Variants in SGCZ observed in about 807,000 individuals in gnomAD.
SGCZ encodes the protein zeta-sarcoglycan.
SGCZ carries 40 observed loss-of-function variants against 41.3 expected under a neutral mutation model. The observed-to-expected ratio is 0.97, with a 90% CI of 0.75 to 1.26. SGCZ has a LOEUF of 1.26. Ranked by LOEUF, SGCZ falls within the 50% of genes most tolerant of loss-of-function variation. The pLI is 0.00. For synonymous variants in SGCZ, 206 were observed against 137.5 expected (o/e 1.50, Z -3.49); for missense variants, 552 against 369.8 (o/e 1.49, Z -4.04).
At chr8:14,432,058 G>T (rs905209972) in intron 2 of SGCZ, among the ~76,000 whole-genome samples, 4 of 152,134 alleles carry the variant, frequency 2.6e-5, no homozygotes, top group Admixed American at 2.6e-4. Flanking sequence ...GTGGTGAACA[G>T]GGAACACTTC....
chr8:15,166,031 A>T (rs1288508311), intron 1 of SGCZ, among the ~76,000 whole-genome samples: 1 of 152,192 alleles, frequency 6.6e-6, no homozygotes, highest in African/African-American at 2.4e-5. Context: ...GGAAATCTGG[A>T]TTCTATTTCA....
At chr8:14,781,920 G>A (rs1800600947) in intron 1 of SGCZ, among the ~76,000 whole-genome samples, 2 of 152,084 alleles carry the variant, frequency 1.3e-5, no homozygotes, top group South Asian at 4.1e-4. Context: ...ATAGTTGTAT[G>A]GGTATTAAAA....
chr8:15,225,852 T>C (rs1274177651), intron 1 of SGCZ, among the ~76,000 whole-genome samples: 1 of 152,132 alleles, frequency 6.6e-6, no homozygotes, highest in Non-Finnish European at 1.5e-5. Context: ...ACTTTGCAAA[T>C]TACATTTTCT....
chr8:14,453,282 A>T (rs890330173), intron 2 of SGCZ, among the ~76,000 whole-genome samples: 1 of 152,160 alleles, frequency 6.6e-6, no homozygotes, highest in African/African-American at 2.4e-5. Flanking sequence ...TAACATTAAG[A>T]TACATTATGC....
At chr8:14,213,245 C>A (rs2117100648) in intron 4 of SGCZ, among the ~76,000 whole-genome samples, 1 of 152,174 alleles carries the variant, frequency 6.6e-6, no homozygotes, top group East Asian at 1.9e-4. Context: ...GCAGAAGACA[C>A]ATACCTAAAT....
Position 14,618,781 on chromosome 8 carries a change from G to A in SGCZ, c.40-63855C>T, listed in dbSNP as rs564773143. ...ACCGAGGTCATGTGAAATGAACAGA[G>A]TATATGTAATAATTTTAAGATGGAC... On this transcript the variant is annotated intron_variant, in intron 1 of 7. Transcript: ENST00000382080. Among the ~76,000 whole-genome samples, 10 of 152,236 alleles carry A rather than the reference G, an allele frequency of 6.6e-5. No individual in the cohort carries two copies. The East Asian group carries it at 1.9e-3, about 29-fold the overall frequency.
chr8:14,309,385 A>G lies in SGCZ; in HGVS notation c.336+14718T>C, dbSNP rs1231329822. ...TAATTACATTGAACAGTCAGCAGAG[A>G]CGAAGTGACCTCGATCGCTTTTGGC... is the stretch of plus-strand genomic sequence containing the variant. On this transcript the variant is annotated intron_variant, in intron 3 of 7. Transcript: ENST00000382080. 1.6e-5 allele frequency: 26 copies of G among 1,605,286 alleles called. 1 individual carries two copies. In the East Asian group the frequency reaches 4.5e-4, roughly 28 times the overall value.
chr8:14,141,477 C>A (rs567586299), intron 5 of SGCZ, among the ~76,000 whole-genome samples: 2 of 152,142 alleles, frequency 1.3e-5, no homozygotes, highest in East Asian at 3.9e-4. Flanking sequence ...CAGGAAAAAT[C>A]AAACAACCCC....
intron 1 of SGCZ, among the ~76,000 whole-genome samples, chr8:15,079,850 C>T (rs767105121): frequency 4.6e-5 from 7 of 152,048 alleles, no homozygotes; most frequent in African/African-American, 1.4e-4. Flanking sequence ...ACATAGTACC[C>T]GATAGGTAAC....
At chr8:14,208,694 ACTG>A (rs1285410977) in intron 4 of SGCZ, among the ~76,000 whole-genome samples, 5 of 151,724 alleles carry the variant, frequency 3.3e-5, no homozygotes, top group Admixed American at 6.6e-5. Context: ...AGTTACTTAT[ACTG>A]CTATTTGTTT....
intron 1 of SGCZ, among the ~76,000 whole-genome samples, chr8:14,832,686 T>C (rs1172236030): frequency 1.3e-5 from 2 of 152,164 alleles, no homozygotes; most frequent in Non-Finnish European, 2.9e-5. Flanking sequence ...GGCCAGAGTA[T>C]ATGGGTGTGT....
intron 1 of SGCZ, among the ~76,000 whole-genome samples, chr8:14,578,062 T>C (rs1298410119): frequency 1.3e-5 from 2 of 152,196 alleles, no homozygotes; most frequent in Non-Finnish European, 2.9e-5. Flanking sequence ...CACCATTCCT[T>C]ACTCATCATA....
intron 2 of SGCZ, among the ~76,000 whole-genome samples, chr8:14,386,591 C>T (rs3860042): frequency 0.083 from 12,593 of 152,094 alleles, 1,626 homozygotes; most frequent in African/African-American, 0.27. Flanking sequence ...AACTCAACTT[C>T]TATGTTGTAT....
intron 2 of SGCZ, among the ~76,000 whole-genome samples, chr8:14,402,529 C>T (rs1410811529): frequency 2.0e-5 from 3 of 148,878 alleles, no homozygotes; most frequent in East Asian, 3.9e-4. Flanking sequence ...TTCCCAGCAC[C>T]ATTTATTAAA....
chr8:14,284,701 G>A (rs1003509668), intron 3 of SGCZ, among the ~76,000 whole-genome samples: 2 of 151,868 alleles, frequency 1.3e-5, no homozygotes. Flanking sequence ...TCTGCACCTT[G>A]TTACTCAAAC....
intron 1 of SGCZ, among the ~76,000 whole-genome samples, chr8:15,169,133 G>T (rs149426908): frequency 3.3e-5 from 5 of 152,294 alleles, no homozygotes; most frequent in African/African-American, 1.2e-4. Context: ...CCCTTAAATA[G>T]GCCTCTAAGG....
chr8:14,101,975 C>G (rs1046105291), intron 7 of SGCZ, among the ~76,000 whole-genome samples: 1 of 151,578 alleles, frequency 6.6e-6, no homozygotes, highest in African/African-American at 2.4e-5. Context: ...CTCCGCCTCC[C>G]ATGGGTTCGT....
intron 5 of SGCZ, among the ~76,000 whole-genome samples, chr8:14,122,185 G>A (rs910586809): frequency 1.3e-5 from 2 of 152,202 alleles, no homozygotes; most frequent in Admixed American, 6.5e-5. Flanking sequence ...GCTGAGGCAG[G>A]AGAATGGCGT....
At chr8:14,743,690 C>T (rs1381144844) in intron 1 of SGCZ, among the ~76,000 whole-genome samples, 1 of 151,928 alleles carries the variant, frequency 6.6e-6, no homozygotes, top group East Asian at 1.9e-4. Flanking sequence ...CGCCCGACAC[C>T]CATCAAGTTT....
Sources: allele counts gnomAD v4.1 joint callset (sites outside exome capture counted in the v4.1 genomes callset), GRCh38; gene constraint gnomAD v4.1.1; transcripts MANE v1.5; gene names NCBI Gene and HGNC (gene_info 2026-07-23, HGNC 2026-07-21).